The following COL23A1 variants were observed in gnomAD, a reference collection of about 807,000 sequenced individuals.
COL23A1 encodes collagen type XXIII alpha 1 chain.
In COL23A1, 97 loss-of-function variants were observed where a neutral mutation model predicts 99.3. The observed-to-expected ratio is 0.98, with a 90% CI of 0.83 to 1.16. The LOEUF is 1.16. Ranked by LOEUF, COL23A1 falls within the 50% of genes most tolerant of loss-of-function variation. The pLI is 0.00. For synonymous variants in COL23A1, 320 were observed against 308.2 expected (o/e 1.04, Z -0.40); for missense variants, 762 against 757.4 (o/e 1.01, Z -0.07).
At chr5:178,349,731 A>C (rs113573891) in intron 2 of COL23A1, among the ~76,000 whole-genome samples, 1 of 152,182 alleles carries the variant, frequency 6.6e-6, no homozygotes, top group African/African-American at 2.4e-5. Context: ...ACCAAGTCCT[A>C]CTGGGGTCCC....
rs1424752646 is a variant in COL23A1, at chr5:178,346,982, G to C, written c.362-40063C>G. On this transcript the variant is annotated intron_variant, in intron 2 of 28. Coordinates refer to ENST00000390654, the MANE Select transcript of COL23A1 (RefSeq NM_173465.4). ...TGTGAAACAGCAAAAATCATTGGTG[G>C]GTCTCCTTACGGCCTCCAGGGACCT... is the stretch of plus-strand genomic sequence containing the variant. Among the ~76,000 whole-genome samples, 3 of 152,228 alleles carry C rather than the reference G, an allele frequency of 2.0e-5. No homozygotes were observed. In the South Asian group the frequency reaches 6.2e-4, roughly 32 times the overall value.
intron 2 of COL23A1, among the ~76,000 whole-genome samples, chr5:178,322,873 G>A (rs1344606729): frequency 2.0e-5 from 3 of 152,176 alleles, no homozygotes; most frequent in Admixed American, 1.3e-4. Flanking sequence ...AGGCAGGCTG[G>A]GGACAGGCGG....
At chr5:178,470,200 C>T (rs1756665169) in intron 2 of COL23A1, among the ~76,000 whole-genome samples, 1 of 152,336 alleles carries the variant, frequency 6.6e-6, no homozygotes, top group South Asian at 2.1e-4. Flanking sequence ...GCTCTTCCTC[C>T]AGGCACTTCT....
chr5:178,452,447 C>T (rs1023400411), intron 2 of COL23A1, among the ~76,000 whole-genome samples: 1 of 152,136 alleles, frequency 6.6e-6, no homozygotes, highest in Non-Finnish European at 1.5e-5. Context: ...TGATGAGAAT[C>T]TTTCTAATCC....
intron 2 of COL23A1, among the ~76,000 whole-genome samples, chr5:178,358,424 T>C (rs1005790299): frequency 1.4e-5 from 2 of 146,548 alleles, no homozygotes; most frequent in African/African-American, 2.5e-5. Flanking sequence ...TGTATGTGTG[T>C]GTATGTGTAT....
At chr5:178,323,747 G>T (rs1035227513) in intron 2 of COL23A1, among the ~76,000 whole-genome samples, 3 of 152,286 alleles carry the variant, frequency 2.0e-5, no homozygotes, top group East Asian at 3.9e-4. Context: ...CAGGGAGCAG[G>T]GAGGTGGCTC....
At chr5:178,546,154 C>T (rs1481018355) in intron 2 of COL23A1, among the ~76,000 whole-genome samples, 1 of 152,086 alleles carries the variant, frequency 6.6e-6, no homozygotes, top group Non-Finnish European at 1.5e-5. Context: ...CAGTAAGACT[C>T]TATCTCCCCT....
chr5:178,263,199 C>T lies in COL23A1; in HGVS notation c.639+9G>A, dbSNP rs749462. On this transcript the variant is annotated intron_variant, in intron 9 of 28. Coordinates refer to ENST00000390654, the MANE Select transcript of COL23A1 (RefSeq NM_173465.4). ...GTCCTGCGTGGCCCAACTCCATGCCCTCTCTTACCGCTGGGCCTTGTGCTC... is the reference window on the plus strand; with the variant it reads ...GTCCTGCGTGGCCCAACTCCATGCCTTCTCTTACCGCTGGGCCTTGTGCTC... The T allele has an allele frequency of 1.9e-6, 3 of 1,602,578 alleles. No individual in the cohort carries two copies. The highest frequency in any genetic ancestry group is 2.6e-6 in the Non-Finnish European group (3 of 1,169,666).
intron 2 of COL23A1, among the ~76,000 whole-genome samples, chr5:178,469,775 G>A (rs1297949262): frequency 2.6e-5 from 4 of 152,114 alleles, no homozygotes; most frequent in South Asian, 2.1e-4. Flanking sequence ...AACCAGAATC[G>A]GTCGTGGGGA....
chr5:178,397,137 T>G (rs78243704), intron 2 of COL23A1, among the ~76,000 whole-genome samples: 29 of 152,194 alleles, frequency 1.9e-4, no homozygotes, highest in Non-Finnish European at 2.9e-4. Context: ...AGTGGCAGCA[T>G]GGCTGGGCTG....
At chr5:178,411,378 G>T (rs934999655) in intron 2 of COL23A1, among the ~76,000 whole-genome samples, 4 of 152,028 alleles carry the variant, frequency 2.6e-5, no homozygotes, top group Admixed American at 2.6e-4. Context: ...ATAGCCAAAG[G>T]TGAAAACAAC....
chr5:178,578,105 ACATGCACACATT>A (rs944036097), intron 1 of COL23A1, among the ~76,000 whole-genome samples: 1 of 149,008 alleles, frequency 6.7e-6, no homozygotes, highest in African/African-American at 2.5e-5. Context: ...GCACACGCCC[ACATGCACACATT>A]CATGCACACA....
chr5:178,266,203 G>A (rs919995903), intron 8 of COL23A1, among the ~76,000 whole-genome samples: 1 of 152,016 alleles, frequency 6.6e-6, no homozygotes, highest in African/African-American at 2.4e-5. Flanking sequence ...TCCACACCCG[G>A]CTAATTTTTG....
At chr5:178,492,837 C>T (rs1297729848) in intron 2 of COL23A1, among the ~76,000 whole-genome samples, 1 of 152,104 alleles carries the variant, frequency 6.6e-6, no homozygotes, top group Non-Finnish European at 1.5e-5. Context: ...ATGCCAGCTC[C>T]ATAGTTTCTA....
rs1764165741 is a variant in COL23A1, at chr5:178,589,646, T to TC, written c.294+257dup. ...GTCTGTTACTCCAAAGTCCCTGGTC[T>TC]CTCCTTCCCCTTTCTCGCGGCCGCC... On this transcript the variant is annotated intron_variant, in intron 1 of 28. Transcript: ENST00000390654. This position sits in a 1 kb window ranked among gnomAD's most constrained non-coding sequence, Gnocchi z 5.4. 6.6e-6 allele frequency among the ~76,000 whole-genome samples: 1 copy of TC among 152,080 alleles called. No homozygotes were observed. Among genetic ancestry groups the TC allele is most frequent in the African/African-American group, 2.4e-5 (1 of 41,396 alleles).
chr5:178,490,009 G>A lies in COL23A1; in HGVS notation c.361+70673C>T, dbSNP rs376608501. ...AGCACTTTGGGAGGCCGAGGCGGGC[G>A]GATCACCTGAGGTCAGGAGTTTGAG... On this transcript the variant is annotated intron_variant, in intron 2 of 28. Transcript: ENST00000390654. 1.2e-3 allele frequency among the ~76,000 whole-genome samples: 178 copies of A among 152,030 alleles called. 1 individual carries two copies. The highest frequency in any genetic ancestry group is 2.5e-3 in the South Asian group (12 of 4,800).
At chr5:178,484,178 C>A (rs1474858732) in intron 2 of COL23A1, among the ~76,000 whole-genome samples, 1 of 152,160 alleles carries the variant, frequency 6.6e-6, no homozygotes, top group African/African-American at 2.4e-5. Flanking sequence ...CCTACCTCAG[C>A]CTCCCAAAGT....
intron 2 of COL23A1, among the ~76,000 whole-genome samples, chr5:178,360,129 A>G (rs990336799): frequency 2.0e-5 from 3 of 152,074 alleles, no homozygotes; most frequent in African/African-American, 7.2e-5. Flanking sequence ...CATGCGAACC[A>G]CATCTCCAGG....
intron 2 of COL23A1, among the ~76,000 whole-genome samples, chr5:178,344,228 T>C (rs1323296072): frequency 6.6e-6 from 1 of 152,222 alleles, no homozygotes; most frequent in Non-Finnish European, 1.5e-5. Flanking sequence ...TATTTGCACA[T>C]AGCTTACACA....
Sources: allele counts gnomAD v4.1 joint callset (sites outside exome capture counted in the v4.1 genomes callset), GRCh38; gene constraint gnomAD v4.1.1; non-coding constraint Gnocchi (gnomAD v3.1); transcripts MANE v1.5; gene names NCBI Gene and HGNC (gene_info 2026-07-23, HGNC 2026-07-21).